Variants in EXOC2 observed in about 807,000 individuals in gnomAD.
EXOC2 encodes exocyst complex component 2, also known as SEC5-like 1.
Under a neutral mutation model 131.8 loss-of-function variants are expected in EXOC2, and 70 were observed. The ratio of observed to expected loss-of-function variants is 0.53; its 90% CI spans 0.44 to 0.65. The LOEUF is 0.65. Among genes scored for constraint, EXOC2 ranks in the 30% least tolerant of loss-of-function variants. The pLI, the probability that EXOC2 is intolerant of heterozygous loss-of-function variation, is 0.00. For synonymous variants in EXOC2, 411 were observed against 398.4 expected (o/e 1.03, Z -0.38); for missense variants, 923 against 1,108.6 (o/e 0.83, Z 2.38).
intron 1 of EXOC2, among the ~76,000 whole-genome samples, chr6:683,928 G>A (rs1160156209): frequency 1.3e-5 from 2 of 152,250 alleles, no homozygotes; most frequent in Admixed American, 6.5e-5. Flanking sequence ...AGTTCAGAAC[G>A]CACCGCAGCT....
chr6:684,382 T>C (rs1472442211), intron 1 of EXOC2, among the ~76,000 whole-genome samples: 1 of 152,176 alleles, frequency 6.6e-6, no homozygotes, highest in African/African-American at 2.4e-5. Context: ...GATGAAGGAT[T>C]AACAAAGCAT....
chr6:608,378 T>C (rs1760536255), intron 7 of EXOC2, among the ~76,000 whole-genome samples: 1 of 152,238 alleles, frequency 6.6e-6, no homozygotes, highest in South Asian at 2.1e-4. Flanking sequence ...CAACATCATG[T>C]TGTTAAAAAA....
At chr6:607,677 G>T (rs1431384243) in intron 7 of EXOC2, among the ~76,000 whole-genome samples, 1 of 152,214 alleles carries the variant, frequency 6.6e-6, no homozygotes, top group Non-Finnish European at 1.5e-5. Context: ...TTTCATCATT[G>T]CAGAAATTCT....
intron 1 of EXOC2, among the ~76,000 whole-genome samples, chr6:664,690 A>C (rs1455715977): frequency 6.6e-6 from 1 of 152,244 alleles, no homozygotes; most frequent in African/African-American, 2.4e-5. Flanking sequence ...AAGTGGGGAA[A>C]GGACACCCAT....
At chr6:489,535 T>C (rs1161831930) in intron 26 of EXOC2, among the ~76,000 whole-genome samples, 1 of 152,232 alleles carries the variant, frequency 6.6e-6, no homozygotes, top group South Asian at 2.1e-4. Flanking sequence ...TGGAGAGCTA[T>C]ATAGATGCTT....
chr6:661,006 T>C (rs780347004), intron 1 of EXOC2, among the ~76,000 whole-genome samples: 22 of 151,978 alleles, frequency 1.4e-4, no homozygotes, highest in Non-Finnish European at 2.4e-4. Flanking sequence ...AAATGCAAAA[T>C]ACTCTGGAAA....
chr6:660,426 G>A (rs1003141181), intron 1 of EXOC2, among the ~76,000 whole-genome samples: 3 of 152,144 alleles, frequency 2.0e-5, no homozygotes, highest in South Asian at 2.1e-4. Context: ...TGGAACAGGC[G>A]CTGATATTCA....
At chr6:556,047 C>T (rs902057099) in intron 18 of EXOC2, 34 bp from the exon 19 acceptor site, 2 of 1,604,014 alleles carry the variant, frequency 1.2e-6, no homozygotes, top group African/African-American at 2.7e-5. Context: ...AATTTTTGGA[C>T]TTTGCTAAGA....
At chr6:595,142 G>C (rs937809577) in intron 10 of EXOC2, among the ~76,000 whole-genome samples, 17 of 152,002 alleles carry the variant, frequency 1.1e-4, no homozygotes, top group African/African-American at 4.1e-4. Context: ...AGGAGAGGGA[G>C]AAGAATAGGG....
At chr6:552,811 T>C (rs1423260617) in intron 21 of EXOC2, among the ~76,000 whole-genome samples, 2 of 152,184 alleles carry the variant, frequency 1.3e-5, no homozygotes, top group Non-Finnish European at 2.9e-5. Flanking sequence ...TACTTACATA[T>C]ATAGTAGAAC....
At chr6:581,154 A>C (rs533801021) in intron 11 of EXOC2, among the ~76,000 whole-genome samples, 1 of 151,666 alleles carries the variant, frequency 6.6e-6, no homozygotes, top group South Asian at 2.1e-4. Context: ...AAAATTAGCC[A>C]GCGCGGTGGC....
intron 1 of EXOC2, among the ~76,000 whole-genome samples, chr6:643,560 A>G (rs861667): frequency 0.71 from 107,547 of 151,832 alleles, 38,740 homozygotes; most frequent in Middle Eastern, 0.88. Flanking sequence ...AGTAACTTAA[A>G]ATCTTAGAGA....
intron 3 of EXOC2, among the ~76,000 whole-genome samples, chr6:632,061 G>T (rs9328331): frequency 3.3e-5 from 5 of 152,010 alleles, no homozygotes; most frequent in Non-Finnish European, 5.9e-5. Flanking sequence ...ATGCTGACCA[G>T]GTGCAAGACA....
intron 27 of EXOC2, 38 bp from the exon 28 acceptor site, chr6:486,802 T>G (rs1763086318): frequency 1.3e-6 from 2 of 1,560,744 alleles, no homozygotes; most frequent in East Asian, 4.5e-5. Flanking sequence ...GCCCGACAGA[T>G]GGGGCGGCCT....
At chr6:591,016 A>T (rs1004544817) in intron 11 of EXOC2, among the ~76,000 whole-genome samples, 2 of 152,186 alleles carry the variant, frequency 1.3e-5, no homozygotes, top group African/African-American at 4.8e-5. Context: ...GCTGCCAGTC[A>T]GCCATCTGGA....
chr6:573,086 C>G (rs1311767384), intron 12 of EXOC2, among the ~76,000 whole-genome samples: 1 of 152,242 alleles, frequency 6.6e-6, no homozygotes, highest in Non-Finnish European at 1.5e-5. Context: ...GAAATGCCAT[C>G]ATACACCCTG....
intron 23 of EXOC2, among the ~76,000 whole-genome samples, chr6:510,509 G>C (rs1467645634): frequency 1.3e-5 from 2 of 152,016 alleles, no homozygotes; most frequent in African/African-American, 4.8e-5. Flanking sequence ...ATGGTTACAT[G>C]GTTTATTTTT....
intron 7 of EXOC2, 56 bp downstream of exon 7, chr6:610,042 T>C: frequency 6.5e-7 from 1 of 1,528,002 alleles, no homozygotes; most frequent in South Asian, 1.2e-5. Flanking sequence ...CAAGAACTAA[T>C]TTTAAAGCAT....
chr6:687,171 C>CTTTATTTTTTTTTTT (rs1764696677), intron 1 of EXOC2, among the ~76,000 whole-genome samples: 1 of 78,360 alleles, frequency 1.3e-5, no homozygotes, highest in Non-Finnish European at 2.2e-5. Context: ...AAATAATATT[C>CTTTATTTTTTTTTTT]TTTTTTTTTT....
Sources: allele counts gnomAD v4.1 joint callset (sites outside exome capture counted in the v4.1 genomes callset), GRCh38; gene constraint gnomAD v4.1.1; transcripts MANE v1.5; gene names NCBI Gene and HGNC (gene_info 2026-07-23, HGNC 2026-07-21).